The following OXR1 variants were observed in gnomAD, a reference collection of about 807,000 sequenced individuals.
The protein encoded by OXR1 is oxidation resistance 1.
In OXR1, 41 loss-of-function variants were observed where a neutral mutation model predicts 104.6. The observed-to-expected ratio is 0.39, with a 90% CI of 0.31 to 0.51. The LOEUF (loss-of-function observed/expected upper bound fraction) is 0.51, where lower values mean the gene tolerates loss of function less well. Ranked by LOEUF, OXR1 falls within the 20% of genes least tolerant of loss-of-function variation. The pLI is 0.77. For missense variants in OXR1, 955 were observed against 1,031.9 expected, an observed-to-expected ratio of 0.93 and a Z score of 1.02; for synonymous variants, 348 against 348.4, an observed-to-expected ratio of 1.00 and a Z score of 0.01.
chr8:106,386,842 G>A (rs1817391109), intron 2 of OXR1, among the ~76,000 whole-genome samples: 1 of 152,174 alleles, frequency 6.6e-6, no homozygotes, highest in Non-Finnish European at 1.5e-5. Flanking sequence ...AAAGAGCTAA[G>A]GAGATAGTCT....
intron 1 of OXR1, among the ~76,000 whole-genome samples, chr8:106,317,484 G>A (rs1197555818): frequency 6.6e-6 from 1 of 152,160 alleles, no homozygotes; most frequent in Non-Finnish European, 1.5e-5. Context: ...AAGGGTATGA[G>A]CCCATTACTT....
chr8:106,656,944 CTAAG>C (rs1362058325), intron 3 of OXR1, among the ~76,000 whole-genome samples: 1 of 151,838 alleles, frequency 6.6e-6, no homozygotes, highest in Non-Finnish European at 1.5e-5. Context: ...CATCAACTTC[CTAAG>C]TAATTCAAAT....
intron 3 of OXR1, among the ~76,000 whole-genome samples, chr8:106,621,407 C>T (rs1221448265): frequency 1.3e-5 from 2 of 151,716 alleles, no homozygotes; most frequent in African/African-American, 2.4e-5. Context: ...GCTATGACGG[C>T]ACCAATTCAC....
rs142058801 is a variant in OXR1 at position 106,530,451 on chromosome 8, C to T, written c.220+11312C>T. Among the ~76,000 whole-genome samples, 17 of 152,072 alleles carry T rather than the reference C, an allele frequency of 1.1e-4. No homozygotes were observed. The East Asian group carries it at 2.3e-3, about 21-fold the overall frequency. On this transcript the variant is annotated intron_variant, in intron 3 of 16. Coordinates refer to ENST00000517566, the MANE Select transcript of OXR1 (RefSeq NM_001198533.2). Reference sequence around the variant, plus strand: ...GGATTACAGGTGTGCATAACCGTACCGAGTCAAGATATTTCTTTACATGTA... The same window carrying T: ...GGATTACAGGTGTGCATAACCGTACTGAGTCAAGATATTTCTTTACATGTA...
Position 106,703,077 on chromosome 8 carries a change from G to A in OXR1, c.847G>A (p.Glu283Lys), listed in dbSNP as rs771276536. 61 of 1,609,954 alleles carry A rather than the reference G, an allele frequency of 3.8e-5. 1 individual carries two copies. The Middle Eastern group carries it at 8.2e-4, about 22-fold the overall frequency. Residue 283 changes from glutamate (E) to lysine (K), a missense_variant, in exon 8 of 17, where the codon GAA (glutamate) becomes AAA (lysine). By Grantham distance (56) the Glu-to-Lys change is moderately conservative. This residue lies in a region of OXR1 where 849 missense variants were observed against 852.9 expected (regional missense o/e 1.00). Coordinates refer to ENST00000517566, the MANE Select transcript of OXR1 (RefSeq NM_001198533.2). The stretch of plus-strand genomic sequence containing the variant: ...AGAAATTTTGGATAGCAAAATAAAG[G>A]AATCTTTACCCATGTAAGAGTGATA... ...YKEILDSKIK[E>K]SLPIDIDQLS...
chr8:106,314,177 T>C (rs1813831234), intron 1 of OXR1, among the ~76,000 whole-genome samples: 1 of 152,142 alleles, frequency 6.6e-6, no homozygotes, highest in Admixed American at 6.6e-5. Context: ...GCAGGGACCC[T>C]TTTTTCCTCT....
chr8:106,367,149 C>T (rs1177903918), intron 2 of OXR1, among the ~76,000 whole-genome samples: 4 of 151,474 alleles, frequency 2.6e-5, no homozygotes, highest in African/African-American at 9.7e-5. Context: ...TGCATCCTCG[C>T]CTCCCGGGTT....
intron 3 of OXR1, among the ~76,000 whole-genome samples, chr8:106,545,499 A>G (rs78736281): frequency 6.6e-6 from 1 of 152,218 alleles, no homozygotes; most frequent in Admixed American, 6.5e-5. Context: ...GGAGAAAGGA[A>G]TGAAAATCAT....
intron 2 of OXR1, among the ~76,000 whole-genome samples, chr8:106,466,865 CTT>C (rs1821199169): frequency 6.6e-6 from 1 of 151,806 alleles, no homozygotes; most frequent in African/African-American, 2.4e-5. Flanking sequence ...TAAAATATAA[CTT>C]ATACTATTGA....
intron 3 of OXR1, among the ~76,000 whole-genome samples, chr8:106,635,054 T>C (rs974207507): frequency 6.6e-6 from 1 of 152,204 alleles, no homozygotes; most frequent in African/African-American, 2.4e-5. Context: ...ATGTAGACCT[T>C]GTTTAAATGA....
In OXR1 at chr8:106,309,217, C is replaced by T. The variant is rs532824403; in HGVS notation, c.-139+38850C>T. On this transcript the variant is annotated intron_variant, in intron 1 of 16. Coordinates refer to ENST00000517566, the MANE Select transcript of OXR1 (RefSeq NM_001198533.2). ...AGCTGGCCTCAAACTCTGGGGCTCA[C>T]GTGATCCTCCTGCTTCAGCCTCCCA... Among the ~76,000 whole-genome samples the T allele has an allele frequency of 1.4e-4, 21 of 152,164 alleles. No individual in the cohort carries two copies. The South Asian group carries it at 3.7e-3, about 27-fold the overall frequency.
chr8:106,536,138 T>C (rs1377151416), intron 3 of OXR1, among the ~76,000 whole-genome samples: 1 of 151,334 alleles, frequency 6.6e-6, no homozygotes, highest in African/African-American at 2.4e-5. Context: ...GAGAATGGCA[T>C]GAACCTGGGA....
At chr8:106,487,055 AC>A (rs1170050929) in intron 2 of OXR1, among the ~76,000 whole-genome samples, 1 of 133,906 alleles carries the variant, frequency 7.5e-6, no homozygotes, top group Non-Finnish European at 1.5e-5. Flanking sequence ...ACAGTGTCTC[AC>A]TCTGTCACCC....
At chr8:106,632,853 C>T (rs561987137) in intron 3 of OXR1, among the ~76,000 whole-genome samples, 1 of 152,160 alleles carries the variant, frequency 6.6e-6, no homozygotes, top group Non-Finnish European at 1.5e-5. Context: ...GTGGGAGGCT[C>T]ACTTGAGCCC....
chr8:106,607,343 T>G (rs1370604401), intron 3 of OXR1, among the ~76,000 whole-genome samples: 1 of 152,244 alleles, frequency 6.6e-6, no homozygotes, highest in Non-Finnish European at 1.5e-5. Context: ...ACATAAGTTA[T>G]CCCTTCCTCC....
chr8:106,426,829 T>C (rs1481457634), intron 2 of OXR1, among the ~76,000 whole-genome samples: 2 of 152,206 alleles, frequency 1.3e-5, no homozygotes, highest in Admixed American at 1.3e-4. Context: ...AAATATTGGA[T>C]ACTATTATTA....
intron 1 of OXR1, among the ~76,000 whole-genome samples, chr8:106,284,730 T>G (rs561286295): frequency 7.2e-5 from 11 of 152,276 alleles, no homozygotes; most frequent in Admixed American, 2.0e-4. Flanking sequence ...CTAAACCACT[T>G]GCCTTTGTCA....
At chr8:106,449,542 T>C (rs1174218375) in intron 2 of OXR1, among the ~76,000 whole-genome samples, 3 of 152,168 alleles carry the variant, frequency 2.0e-5, no homozygotes, top group Non-Finnish European at 2.9e-5. Context: ...ATAATTCCCA[T>C]TGTAACTGAT....
intron 1 of OXR1, among the ~76,000 whole-genome samples, chr8:106,279,811 G>A (rs1260963746): frequency 6.6e-6 from 1 of 152,196 alleles, no homozygotes; most frequent in Non-Finnish European, 1.5e-5. Context: ...CAATAGAAGT[G>A]TATTCTATTC....
Sources: gnomAD v4.1 joint callset for allele counts (sites outside exome capture counted in the v4.1 genomes callset) on GRCh38, gnomAD v4.1.1 for gene constraint, gnomAD v4.1.1 regional missense constraint, MANE v1.5 for transcripts, NCBI Gene and HGNC (gene_info 2026-07-23, HGNC 2026-07-21) for gene names.